GBE1: variants seen among roughly 807,000 people sequenced by gnomAD.
GBE1 encodes the protein 1,4-alpha-glucan branching enzyme 1.
A neutral mutation model predicts 88.8 loss-of-function variants in GBE1; 70 were observed. That is an observed-to-expected ratio of 0.79 (90% CI 0.65 to 0.96). The LOEUF is 0.96. GBE1 is among the 40% of genes least tolerant of loss of function. The pLI is 0.00. For missense variants in GBE1, 872 were observed against 871.0 expected, an observed-to-expected ratio of 1.00 and a Z score of -0.01; for synonymous variants, 284 against 300.1, an observed-to-expected ratio of 0.95 and a Z score of 0.56.
intron 1 of GBE1, among the ~76,000 whole-genome samples, chr3:81,746,827 G>C (rs1199663325): frequency 6.6e-6 from 1 of 152,078 alleles, no homozygotes; most frequent in African/African-American, 2.4e-5. Context: ...CTAAAGTTTA[G>C]GGTTTGTCAA....
intron 7 of GBE1, among the ~76,000 whole-genome samples, chr3:81,620,246 G>A (rs1165879313): frequency 1.3e-5 from 2 of 150,048 alleles, no homozygotes; most frequent in South Asian, 2.1e-4. Flanking sequence ...GCAGTGGCAC[G>A]ATCTCTGCCC....
At chr3:81,633,072 G>T (rs1704539113) in intron 7 of GBE1, among the ~76,000 whole-genome samples, 1 of 152,088 alleles carries the variant, frequency 6.6e-6, no homozygotes, top group South Asian at 2.1e-4. Flanking sequence ...TAAAAATAGT[G>T]TGATACAACA....
chr3:81,675,726 G>T (rs1357920565), intron 2 of GBE1, among the ~76,000 whole-genome samples: 1 of 152,034 alleles, frequency 6.6e-6, no homozygotes, highest in Non-Finnish European at 1.5e-5. Flanking sequence ...TAGGCTCAAA[G>T]TTAGGTACCC....
At chr3:81,589,867 T>C (rs1703854060) in intron 9 of GBE1, among the ~76,000 whole-genome samples, 1 of 152,030 alleles carries the variant, frequency 6.6e-6, no homozygotes, top group Non-Finnish European at 1.5e-5. Context: ...ACACTCTGAT[T>C]GATGTTAAAG....
intron 14 of GBE1, among the ~76,000 whole-genome samples, chr3:81,525,821 G>A (rs779227610): frequency 6.6e-6 from 1 of 152,114 alleles, no homozygotes. Flanking sequence ...TATTTGCGCA[G>A]AGGTGTTTCT....
At chr3:81,657,876 G>A (rs544284345) in intron 3 of GBE1, among the ~76,000 whole-genome samples, 14 of 151,974 alleles carry the variant, frequency 9.2e-5, no homozygotes, top group Non-Finnish European at 1.9e-4. Context: ...CATCTACAAT[G>A]TTCAGGAATT....
At chr3:81,523,677 C>A (rs1288723099) in intron 14 of GBE1, among the ~76,000 whole-genome samples, 3 of 151,638 alleles carry the variant, frequency 2.0e-5, no homozygotes. Flanking sequence ...GGTAACCATC[C>A]TTCTACTCTC....
At chr3:81,547,960 C>T (rs376870100) in intron 12 of GBE1, among the ~76,000 whole-genome samples, 1 of 151,414 alleles carries the variant, frequency 6.6e-6, no homozygotes, top group African/African-American at 2.4e-5. Context: ...CTCCTCTTCT[C>T]TTGTTCTATA....
chr3:81,494,525 T>C (rs138534624), intron 15 of GBE1, among the ~76,000 whole-genome samples: 2 of 152,332 alleles, frequency 1.3e-5, no homozygotes, highest in African/African-American at 4.8e-5. Context: ...TACCTGTATA[T>C]AGAAGCCACT....
chr3:81,588,720 C>A (rs1478419145), intron 9 of GBE1, among the ~76,000 whole-genome samples: 1 of 152,140 alleles, frequency 6.6e-6, no homozygotes, highest in African/African-American at 2.4e-5. Flanking sequence ...TGCTTCCTTA[C>A]CCCTCTCTAG....
chr3:81,565,749 A>G (rs910159819), intron 12 of GBE1, among the ~76,000 whole-genome samples: 1 of 152,202 alleles, frequency 6.6e-6, no homozygotes, highest in Non-Finnish European at 1.5e-5. Context: ...AACCAGAATA[A>G]CATCATGATA....
At chr3:81,561,905 G>A (rs545184681) in intron 12 of GBE1, among the ~76,000 whole-genome samples, 26 of 152,124 alleles carry the variant, frequency 1.7e-4, no homozygotes, top group African/African-American at 3.1e-4. Context: ...GAGGTGAAAC[G>A]GATACTTTAA....
At chr3:81,548,223 A>G (rs369745868) in intron 12 of GBE1, among the ~76,000 whole-genome samples, 70 of 151,736 alleles carry the variant, frequency 4.6e-4, no homozygotes, top group African/African-American at 1.5e-3. Flanking sequence ...TTAACAAAAA[A>G]TTGTAAAGGT....
At chr3:81,520,128 C>T (rs1027699681) in intron 14 of GBE1, among the ~76,000 whole-genome samples, 3 of 151,372 alleles carry the variant, frequency 2.0e-5, no homozygotes, top group African/African-American at 4.8e-5. Context: ...GTCTCTACAA[C>T]GTGCCTTATA....
At chr3:81,607,511 T>C (rs1008503316) in intron 7 of GBE1, among the ~76,000 whole-genome samples, 1 of 152,116 alleles carries the variant, frequency 6.6e-6, no homozygotes, top group African/African-American at 2.4e-5. Flanking sequence ...ATTGAGCCAC[T>C]GCACTCCAGC....
chr3:81,514,189 T>C (rs1483247790), intron 14 of GBE1, among the ~76,000 whole-genome samples: 1 of 149,284 alleles, frequency 6.7e-6, no homozygotes, highest in Non-Finnish European at 1.5e-5. Context: ...AAAGTGAAAA[T>C]TGGCTCTCTC....
At chr3:81,686,105 T>C (rs997027304) in intron 2 of GBE1, among the ~76,000 whole-genome samples, 3 of 152,104 alleles carry the variant, frequency 2.0e-5, no homozygotes, top group Non-Finnish European at 2.9e-5. Flanking sequence ...ACAATGAAGA[T>C]GGGGATGAAA....
Position 81,635,976 on chromosome 3 carries a change from T to C in GBE1, c.992+6805A>G, listed in dbSNP as rs1479704813. Reference sequence around the variant, plus strand: ...AAAATATCCCTGTGCTCCTAAATTTTAGGCTTGTGGGGAATAAACGAGGCA... The same window carrying C: ...AAAATATCCCTGTGCTCCTAAATTTCAGGCTTGTGGGGAATAAACGAGGCA... On this transcript the variant is annotated intron_variant, in intron 7 of 15. Transcript: ENST00000429644. Among the ~76,000 whole-genome samples the C allele has an allele frequency of 2.6e-5, 4 of 152,282 alleles. No homozygotes were observed. In the South Asian group the frequency reaches 6.2e-4, roughly 24 times the overall value.
chr3:81,596,043 G>T (rs1703952528), intron 7 of GBE1, among the ~76,000 whole-genome samples: 1 of 151,840 alleles, frequency 6.6e-6, no homozygotes. Flanking sequence ...AAAGTGATAA[G>T]TCAAATTTCT....
Sources: gnomAD v4.1 joint callset for allele counts (sites outside exome capture counted in the v4.1 genomes callset) on GRCh38, gnomAD v4.1.1 for gene constraint, MANE v1.5 for transcripts, NCBI Gene and HGNC (gene_info 2026-07-23, HGNC 2026-07-21) for gene names.